CEP350: variants seen among roughly 807,000 people sequenced by gnomAD.
CEP350 encodes centrosomal protein 350.
CEP350 carries 126 observed loss-of-function variants against 331.8 expected under a neutral mutation model. That is an observed-to-expected ratio of 0.38 (90% CI 0.33 to 0.44). CEP350 has a LOEUF of 0.44. Ranked by LOEUF, CEP350 falls within the 20% of genes least tolerant of loss-of-function variation. CEP350 has a pLI of 1.00. For synonymous variants in CEP350, 1,200 were observed against 1,259.5 expected, an observed-to-expected ratio of 0.95 and a Z score of 1.00; for missense variants, 3,406 against 3,634.6, an observed-to-expected ratio of 0.94 and a Z score of 1.62.
At chr1:180,021,484 C>T (rs1463855521) in intron 12 of CEP350, among the ~76,000 whole-genome samples, 1 of 151,884 alleles carries the variant, frequency 6.6e-6, no homozygotes, top group Non-Finnish European at 1.5e-5. Context: ...TGAAACCCCA[C>T]CATTACTAAA....
intron 27 of CEP350, among the ~76,000 whole-genome samples, chr1:180,071,100 A>G (rs1397925098): frequency 2.8e-5 from 4 of 141,984 alleles, no homozygotes; most frequent in Non-Finnish European, 6.1e-5. Context: ...GTGAGCCAAG[A>G]TCATGCCATT....
chr1:180,057,256 A>G (rs562826592), intron 25 of CEP350, among the ~76,000 whole-genome samples: 17 of 151,366 alleles, frequency 1.1e-4, no homozygotes, highest in African/African-American at 4.1e-4. Flanking sequence ...CTGCCACCAC[A>G]CCCAGCTAAT....
chr1:180,070,252 G>C (rs1029835722), intron 27 of CEP350, among the ~76,000 whole-genome samples: 58 of 152,070 alleles, frequency 3.8e-4, no homozygotes, highest in African/African-American at 1.4e-3. Flanking sequence ...TTTTGTTTTC[G>C]ATATCTTTTA....
At chr1:180,017,530 T>G (rs1313433091) in intron 11 of CEP350, among the ~76,000 whole-genome samples, 1 of 152,160 alleles carries the variant, frequency 6.6e-6, no homozygotes, top group Non-Finnish European at 1.5e-5. Flanking sequence ...AAACAAGTTA[T>G]CCAATATTAA....
chr1:180,093,570 C>A lies in CEP350; in HGVS notation c.7465C>A (p.Pro2489Thr). ...VTESPSLASV[P>T]TADELFDFHI... ...TGAATCCCCTTCCTTGGCTTCAGTT[C>A]CTACTGCAGACGAGTTATTTGATTT... Residue 2489 changes from proline to threonine, a missense_variant, in exon 34 of 38, where the codon CCT becomes ACT. This residue lies in a region of CEP350 where 1,415 missense variants were observed against 1,512.3 expected (regional missense o/e 0.94). Coordinates refer to ENST00000367607, the MANE Select transcript of CEP350 (RefSeq NM_014810.5). 1 of 1,613,848 alleles carries A rather than the reference C, an allele frequency of 6.2e-7. No homozygotes were observed. The highest frequency in any genetic ancestry group is 8.5e-7 in the Non-Finnish European group (1 of 1,179,802).
Position 179,955,120 on chromosome 1 carries a change from G to T in CEP350, c.-36G>T. On this transcript the variant is annotated 5_prime_UTR_variant, in exon 1 of 38. Transcript: ENST00000367607. ...CTCCGCGGGATGCACCGTGGTAGCC[G>T]AGGGCGGAGGCGACACTCTCAGGTG... 6.8e-7 allele frequency: 1 copy of T among 1,474,196 alleles called. No homozygotes were observed. Among genetic ancestry groups the T allele is most frequent in the Admixed American group, 2.2e-5 (1 of 45,552 alleles). 91.3% of individuals were successfully genotyped at this position (1,474,196 alleles called of 1,614,324 possible).
At chr1:180,003,044 AACC>A in intron 6 of CEP350, 127 bp from the exon 7 acceptor site, 1 of 623,246 alleles carries the variant, frequency 1.6e-6, no homozygotes. Flanking sequence ...ATATACTATA[AACC>A]ACTGAATTGT....
chr1:179,971,980 A>G (rs1286003898), intron 1 of CEP350, among the ~76,000 whole-genome samples: 1 of 152,214 alleles, frequency 6.6e-6, no homozygotes, highest in Non-Finnish European at 1.5e-5. Context: ...CAGAGTAGAA[A>G]AGAACCTTAC....
intron 37 of CEP350, among the ~76,000 whole-genome samples, chr1:180,102,712 T>C (rs1346203640): frequency 6.6e-6 from 1 of 152,268 alleles, no homozygotes; most frequent in African/African-American, 2.4e-5. Flanking sequence ...TAGTATTTCA[T>C]TAACTTCAGG....
intron 25 of CEP350, among the ~76,000 whole-genome samples, chr1:180,059,625 C>CT (rs372560791): frequency 7.9e-4 from 111 of 139,762 alleles, no homozygotes; most frequent in East Asian, 4.1e-3. Flanking sequence ...AATTGTGAGC[C>CT]TTTTTTTTTT....
At chr1:180,008,563 G>C (rs982999881) in intron 8 of CEP350, among the ~76,000 whole-genome samples, 2 of 152,198 alleles carry the variant, frequency 1.3e-5, no homozygotes, top group African/African-American at 4.8e-5. Flanking sequence ...GGAGAAAGTT[G>C]GGAACCTGTC....
At chr1:180,090,900 T>A (rs1023973994) in intron 33 of CEP350, 104 bp downstream of exon 33, 5 of 936,596 alleles carry the variant, frequency 5.3e-6, no homozygotes, top group Non-Finnish European at 5.8e-6. Context: ...AAAAAGTGAA[T>A]TTCTTAAGTA....
rs1397383742 is a variant in CEP350 at position 179,996,964 on chromosome 1, A to G, written c.807A>G (p.Arg269=). 2 of 1,614,030 alleles carry G rather than the reference A, an allele frequency of 1.2e-6. No individual in the cohort carries two copies. Among genetic ancestry groups the G allele is most frequent in the African/African-American group, 1.3e-5 (1 of 75,046 alleles). ...CTACTAGTACTTCTAATTCCCAAAG[A>G]TTAGATATTCTAAAGCGGCGACAAC... ...PSSTSTSNSQ[R]LDILKRRQHD... is the part of the protein sequence containing the mutation. Residue 269 remains arginine (R), a synonymous_variant, in exon 6 of 38, where the codon AGA becomes AGG. Coordinates refer to ENST00000367607, the MANE Select transcript of CEP350 (RefSeq NM_014810.5).
intron 11 of CEP350, among the ~76,000 whole-genome samples, chr1:180,017,684 C>T (rs1397240957): frequency 6.6e-6 from 1 of 152,158 alleles, no homozygotes; most frequent in Non-Finnish European, 1.5e-5. Context: ...TCTGAGCTCC[C>T]CCATTCCCGT....
chr1:180,092,589 T>G, intron 33 of CEP350, 25 bp from the exon 34 acceptor site: 1 of 1,442,870 alleles, frequency 6.9e-7, no homozygotes, highest in Non-Finnish European at 9.2e-7. Flanking sequence ...ATAATTTTGA[T>G]GTGGTGATTT....
At chr1:180,040,918 A>G (rs1009178637) in intron 17 of CEP350, among the ~76,000 whole-genome samples, 2 of 152,106 alleles carry the variant, frequency 1.3e-5, no homozygotes, top group Admixed American at 6.6e-5. Context: ...TGCCCTGGAA[A>G]TTTTTTATAT....
chr1:179,989,713 C>A (rs1652911461), intron 3 of CEP350, among the ~76,000 whole-genome samples: 2 of 151,936 alleles, frequency 1.3e-5, no homozygotes, highest in Admixed American at 6.6e-5. Flanking sequence ...TATGTGAAAC[C>A]TGAATTCTAT....
chr1:180,006,802 C>T (rs1654289940), intron 8 of CEP350, among the ~76,000 whole-genome samples: 1 of 152,154 alleles, frequency 6.6e-6, no homozygotes, highest in South Asian at 2.1e-4. Flanking sequence ...GTTCCCCTTC[C>T]TGTGTCCATG....
intron 4 of CEP350, among the ~76,000 whole-genome samples, chr1:179,991,707 G>GTGTGTGTGTGTGTATA (rs1385981536): frequency 7.2e-5 from 7 of 96,942 alleles, no homozygotes; most frequent in East Asian, 3.3e-4. Flanking sequence ...GTGTGTGTGT[G>GTGTGTGTGTGTGTATA]TATATATATA....
Sources: gnomAD v4.1 joint callset for allele counts (sites outside exome capture counted in the v4.1 genomes callset) on GRCh38, gnomAD v4.1.1 for gene constraint, gnomAD v4.1.1 regional missense constraint, MANE v1.5 for transcripts, NCBI Gene and HGNC (gene_info 2026-07-23, HGNC 2026-07-21) for gene names.